RTTN: variants seen among roughly 807,000 people sequenced by gnomAD.
The protein encoded by RTTN is rotatin.
RTTN carries 182 observed loss-of-function variants against 269.2 expected under a neutral mutation model. That is an observed-to-expected ratio of 0.68 (90% CI 0.60 to 0.76). The LOEUF (loss-of-function observed/expected upper bound fraction) is 0.76. Among genes scored for constraint, RTTN ranks in the 30% least tolerant of loss-of-function variants. RTTN has a pLI of 0.00. For missense variants in RTTN, 2,545 were observed against 2,608.6 expected, an observed-to-expected ratio of 0.98 and a Z score of 0.53; for synonymous variants, 1,006 against 963.5, an observed-to-expected ratio of 1.04 and a Z score of -0.82.
chr18:70,099,612 T>C (rs283772), intron 28 of RTTN, among the ~76,000 whole-genome samples: 6,378 of 152,308 alleles, frequency 0.042, 464 homozygotes, highest in African/African-American at 0.15. Flanking sequence ...ATTTTGGCTT[T>C]TGTTGCCATT....
intron 35 of RTTN, among the ~76,000 whole-genome samples, chr18:70,064,369 C>T (rs1838869480): frequency 7.2e-6 from 1 of 138,270 alleles, no homozygotes; most frequent in Non-Finnish European, 1.6e-5. Flanking sequence ...AGCGTTAATA[C>T]TTGAAAATAA....
intron 10 of RTTN, among the ~76,000 whole-genome samples, chr18:70,184,843 C>T (rs1437526264): frequency 5.4e-5 from 8 of 147,118 alleles, no homozygotes; most frequent in Admixed American, 4.1e-4. Context: ...TACAGTGATC[C>T]GAGATGGCGC....
At chr18:70,008,708 A>G (rs989615035) in intron 46 of RTTN, 2 of 140,776 alleles carry the variant, frequency 1.4e-5, no homozygotes, top group African/African-American at 6.1e-5. Flanking sequence ...AGATTAGAGA[A>G]AAAAAAAAAA....
intron 26 of RTTN, among the ~76,000 whole-genome samples, chr18:70,116,119 A>G (rs1465294658): frequency 6.6e-6 from 1 of 152,002 alleles, no homozygotes; most frequent in Non-Finnish European, 1.5e-5. Flanking sequence ...CATAAAAATA[A>G]ATAAATTTTC....
At position 70,020,780 on chromosome 18, in the gene RTTN, G is replaced by T. The variant is rs758353876; in HGVS notation, c.5988C>A (p.His1996Gln). 6.2e-7 allele frequency: 1 copy of T among 1,613,702 alleles called. No individual in the cohort carries two copies. Among genetic ancestry groups the T allele is most frequent in the Non-Finnish European group, 8.5e-7 (1 of 1,179,746 alleles). Residue 1996 changes from histidine to glutamine, a missense_variant, in exon 45 of 49, where the codon CAC becomes CAA. Transcript: ENST00000640769. Reference protein sequence around the residue: ...SSLCWSSCGQHPVQATHRGAV... With the variant: ...SSLCWSSCGQQPVQATHRGAV... ...CTCCTCTATGTGTAGCTTGAACAGG[G>T]TGTTGTCCACAACTTGACCAACAAA...
Position 70,114,372 on chromosome 18 carries a change from TA to T in RTTN, c.3683+72del, listed in dbSNP as rs2059549913. 2.2e-6 allele frequency: 3 copies of T among 1,365,348 alleles called. No homozygotes were observed. In the South Asian group the frequency reaches 4.1e-5, roughly 19 times the overall value. 84.6% of individuals were successfully genotyped at this position (1,365,348 alleles called of 1,614,324 possible). ...TTCTTAATTTGAAAGAAGTACAAAGTAAAACTTTGAAAATCAAAGAAAACTT... is the reference window on the plus strand; with the variant it reads ...TTCTTAATTTGAAAGAAGTACAAAGTAAACTTTGAAAATCAAAGAAAACTT... On this transcript the variant is annotated intron_variant, in intron 27 of 48. Coordinates refer to ENST00000640769, the MANE Select transcript of RTTN (RefSeq NM_173630.4).
chr18:70,205,120 G>A lies in RTTN; in HGVS notation c.219+8C>T. 6.2e-7 allele frequency: 1 copy of A among 1,609,940 alleles called. No homozygotes were observed. Among genetic ancestry groups the A allele is most frequent in the Non-Finnish European group, 8.5e-7 (1 of 1,177,394 alleles). On this transcript the variant is annotated splice_region_variant and intron_variant, in intron 2 of 48. Transcript: ENST00000640769. ...CTGATTATTTTCTTTATTTCAAAAT[G>A]ACCCTACCTTAACCAATCTGCTTAA...
intron 45 of RTTN, 38 bp downstream of exon 45, chr18:70,020,577 G>T: frequency 1.3e-6 from 2 of 1,483,780 alleles, no homozygotes; most frequent in Non-Finnish European, 1.9e-6. Context: ...ATTTCACTGA[G>T]TACCCTTTTA....
chr18:70,116,357 T>C (rs1254244321), intron 26 of RTTN, among the ~76,000 whole-genome samples: 1 of 152,104 alleles, frequency 6.6e-6, no homozygotes, highest in East Asian at 1.9e-4. Flanking sequence ...TACCTAAAAA[T>C]TAAGATTCTC....
At chr18:70,145,883 T>C (rs1568459522) in intron 17 of RTTN, 100 bp from the exon 18 acceptor site, 1 of 890,548 alleles carries the variant, frequency 1.1e-6, no homozygotes, top group East Asian at 2.6e-5. Context: ...CAAAGTACAA[T>C]AAGTAGTCAC....
chr18:70,045,416 A>C (rs553123012), intron 40 of RTTN, among the ~76,000 whole-genome samples: 2 of 152,234 alleles, frequency 1.3e-5, no homozygotes, highest in Non-Finnish European at 2.9e-5. Context: ...TTTGAAAGAC[A>C]TCAATTTTAG....
chr18:70,014,835 C>G (rs2056492539), intron 46 of RTTN, among the ~76,000 whole-genome samples: 1 of 152,194 alleles, frequency 6.6e-6, no homozygotes, highest in Non-Finnish European at 1.5e-5. Context: ...TGTCCTCTCA[C>G]CCCTCGATAC....
intron 2 of RTTN, among the ~76,000 whole-genome samples, chr18:70,204,624 T>C (rs950206043): frequency 2.6e-5 from 4 of 152,202 alleles, no homozygotes; most frequent in African/African-American, 7.2e-5. Flanking sequence ...TCCTCTACCA[T>C]TGTACAGTGA....
chr18:70,155,473 T>C (rs775857740), intron 14 of RTTN, among the ~76,000 whole-genome samples: 4 of 152,144 alleles, frequency 2.6e-5, no homozygotes, highest in Non-Finnish European at 5.9e-5. Context: ...AAGAAGAAAC[T>C]AGAGGACTTG....
intron 9 of RTTN, 46 bp from the exon 10 acceptor site, chr18:70,188,269 CT>C: frequency 9.7e-7 from 1 of 1,034,268 alleles, no homozygotes; most frequent in Non-Finnish European, 1.5e-6. Context: ...AGTTACTTAA[CT>C]TTAAAATAAT....
intron 32 of RTTN, among the ~76,000 whole-genome samples, chr18:70,084,055 A>G (rs570346200): frequency 6.7e-6 from 1 of 148,948 alleles, no homozygotes; most frequent in Admixed American, 6.6e-5. Flanking sequence ...CAACAATTCT[A>G]TGTCATGACA....
At chr18:70,178,355 C>T (rs1568521216) in intron 10 of RTTN, among the ~76,000 whole-genome samples, 1 of 151,970 alleles carries the variant, frequency 6.6e-6, no homozygotes, top group Non-Finnish European at 1.5e-5. Flanking sequence ...AAGCCAGATA[C>T]AAAAAGACAA....
At chr18:70,152,276 A>C (rs111642430) in intron 14 of RTTN, among the ~76,000 whole-genome samples, 7 of 152,254 alleles carry the variant, frequency 4.6e-5, no homozygotes, top group African/African-American at 1.7e-4. Context: ...GTGTGGTGCA[A>C]TGCTTAAGAA....
At chr18:70,074,078 C>T in intron 33 of RTTN, 84 bp from the exon 34 acceptor site, 1 of 822,050 alleles carries the variant, frequency 1.2e-6, no homozygotes, top group Non-Finnish European at 1.9e-6. Context: ...TACAGGAAAC[C>T]AATTCAAAAC....
Sources: gnomAD v4.1 joint callset for allele counts (sites outside exome capture counted in the v4.1 genomes callset) on GRCh38, gnomAD v4.1.1 for gene constraint, MANE v1.5 for transcripts, NCBI Gene and HGNC (gene_info 2026-07-23, HGNC 2026-07-21) for gene names.